The following FAM111A variants were observed in gnomAD, a reference collection of about 807,000 sequenced individuals.
FAM111A encodes the protein FAM111 trypsin like peptidase A, also known as serine protease FAM111A.
FAM111A carries 8 observed loss-of-function variants against 3.3 expected under a neutral mutation model. That is an observed-to-expected ratio of 2.39 (90% CI 1.40 to 4.32). The LOEUF is 4.32. Ranked by LOEUF, FAM111A falls within the 30% of genes most tolerant of loss-of-function variation. The pLI is 0.00. For synonymous variants in FAM111A, 227 were observed against 243.1 expected (o/e 0.93, Z 0.62); for missense variants, 683 against 727.6 (o/e 0.94, Z 0.71).
chr11:59,153,884 T>G lies in FAM111A; in HGVS notation c.*380T>G, dbSNP rs1358679259. 1 of 151,922 alleles carries G rather than the reference T, an allele frequency of 6.6e-6. No individual in the cohort carries two copies. Among genetic ancestry groups the G allele is most frequent in the Non-Finnish European group, 1.4e-5 (1 of 69,550 alleles). The allele number at this position is 151,922 out of a possible 1,614,324, so 9.4% of individuals were successfully genotyped here. On this transcript the variant is annotated 3_prime_UTR_variant, in exon 6 of 6. Transcript: ENST00000675163. ...ACCCAGCTAAATTTTTTTTTTTTTTTTTGTATTTTTAGTAGAGACAGGGTT... is the reference window on the plus strand; with the variant it reads ...ACCCAGCTAAATTTTTTTTTTTTTTGTTGTATTTTTAGTAGAGACAGGGTT...
At position 59,152,476 on chromosome 11, in the gene FAM111A, A is replaced by G. The variant is rs1590956415; in HGVS notation, c.808A>G (p.Lys270Glu). Residue 270 changes from lysine (K) to glutamate (E), a missense_variant, in exon 6 of 6, where the codon AAA becomes GAA. Lys to Glu is a moderately conservative substitution (Grantham distance 56). Around this residue, in one of 3 missense-constraint regions of FAM111A, gnomAD observed 557 missense variants for 600.2 expected, o/e 0.93. Coordinates refer to ENST00000675163, the MANE Select transcript of FAM111A (RefSeq NM_001312909.2). The part of the protein sequence containing the change: ...EGRYFQVEVE[K>E]RMVPSAAASQ... Reference sequence around the variant, plus strand: ...CAGATACTTTCAGGTTGAGGTTGAGAAAAGAATGGTCCCCAGTGCAGCAGC... The same window carrying G: ...CAGATACTTTCAGGTTGAGGTTGAGGAAAGAATGGTCCCCAGTGCAGCAGC... The G allele has an allele frequency of 1.2e-6, 2 of 1,613,992 alleles. No homozygotes were observed. The highest frequency in any genetic ancestry group is 1.7e-6 in the Non-Finnish European group (2 of 1,179,904).
At chr11:59,144,045 CA>C (rs1245195594) in intron 3 of FAM111A, 1 of 152,204 alleles carries the variant, frequency 6.6e-6, no homozygotes, top group Non-Finnish European at 1.5e-5. Context: ...AATGGGACTT[CA>C]AAATCTCAAT....
In FAM111A at chr11:59,152,992, G is replaced by A. The variant is rs1184521788; in HGVS notation, c.1324G>A (p.Val442Ile). The A allele has an allele frequency of 2.5e-6, 4 of 1,614,106 alleles. No homozygotes were observed. In the African/African-American group the frequency reaches 4.0e-5, roughly 16 times the overall value. ...ACATAATGAAGAGCTTGACTATGCT[G>A]TCCTGAAACTGAAGGAAAATGGACA... Reference protein sequence around the residue: ...EIHNEELDYAVLKLKENGQQV... With the variant: ...EIHNEELDYAILKLKENGQQV... Residue 442 changes from valine to isoleucine, a missense_variant, in exon 6 of 6, where the codon GTC (valine) becomes ATC (isoleucine). Transcript: ENST00000675163.
Position 59,153,519 on chromosome 11 carries a change from G to A in FAM111A, c.*15G>A. 1 of 1,566,188 alleles carries A rather than the reference G, an allele frequency of 6.4e-7. No individual in the cohort carries two copies. The highest frequency in any genetic ancestry group is 1.4e-5 in the African/African-American group (1 of 73,394). On this transcript the variant is annotated 3_prime_UTR_variant, in exon 6 of 6. Transcript: ENST00000675163. ...AGGACTTGTGAGAATTCAGTCTACT[G>A]GATTTAAGGGAATGGCTTATGGAGT...
At position 59,148,902 on chromosome 11, in the gene FAM111A, G is replaced by A. The variant is rs777189581; in HGVS notation, c.30G>A (p.Lys10=). The change falls in exon 5 of 6, where the codon AAG becomes AAA. Residue 10 remains lysine, a synonymous_variant. Transcript: ENST00000675163. ...GCTGTAAGAAGCAGAGGTCACGGAA[G>A]CACTCAGTCAATGAAAAATGTAATA... The part of the protein sequence containing the change: MSCKKQRSR[K]HSVNEKCNMK... The A allele has an allele frequency of 1.9e-6, 3 of 1,613,840 alleles. No homozygotes were observed. Among genetic ancestry groups the A allele is most frequent in the Non-Finnish European group, 2.5e-6 (3 of 1,179,766 alleles).
In FAM111A at chr11:59,152,385, T is replaced by G. The variant is rs763385433; in HGVS notation, c.717T>G (p.Asp239Glu). 2 of 1,614,166 alleles carry G rather than the reference T, an allele frequency of 1.2e-6. No homozygotes were observed. Among genetic ancestry groups the G allele is most frequent in the Non-Finnish European group, 1.7e-6 (2 of 1,180,022 alleles). Residue 239 changes from aspartate (D) to glutamate (E), a missense_variant, in exon 6 of 6, where the codon GAT becomes GAG. Asp to Glu is a conservative substitution (Grantham distance 45). This residue lies in a region of FAM111A where 557 missense variants were observed against 600.2 expected (regional missense o/e 0.93). Transcript: ENST00000675163. The part of the protein sequence containing the change: ...GRFLSFLEND[D>E]WKLIENNDTI... ...TTCTTTCCTTTCTGGAGAATGATGA[T>G]TGGAAACTCATTGAAAACAATGACA...
In FAM111A at chr11:59,152,565, G is replaced by C; in HGVS notation, c.897G>C (p.Gln299His). The C allele has an allele frequency of 3.7e-6, 6 of 1,614,042 alleles. No homozygotes were observed. The highest frequency in any genetic ancestry group is 5.1e-6 in the Non-Finnish European group (6 of 1,180,016). ...TCVLREQIVA[Q>H]YPSLKRESEK... is the part of the protein sequence containing the mutation. ...TGTTGAGAGAACAAATCGTGGCTCA[G>C]TACCCCAGTTTGAAAAGAGAAAGTG... The change falls in exon 6 of 6, where the codon CAG (glutamine) becomes CAC (histidine). Residue 299 changes from glutamine to histidine, a missense_variant. Around this residue, in one of 3 missense-constraint regions of FAM111A, gnomAD observed 557 missense variants for 600.2 expected, o/e 0.93. Transcript: ENST00000675163.
rs1014845388 is a variant in FAM111A, at chr11:59,153,741, G to A, written c.*237G>A. 8.8e-6 allele frequency: 3 copies of A among 339,012 alleles called. No homozygotes were observed. Among genetic ancestry groups the A allele is most frequent in the Non-Finnish European group, 1.1e-5 (2 of 189,260 alleles). The allele number at this position is 339,012 out of a possible 1,614,324, so 21.0% of individuals were successfully genotyped here. A position where few individuals can be genotyped will look rare whatever the true frequency, so the allele number is the denominator to read the frequency against. ...TTTTGAGACTGAGTCTCACTCTGTC[G>A]CCTGGGCTGGAGTACAGTGGTGCGA... On this transcript the variant is annotated 3_prime_UTR_variant, in exon 6 of 6. Coordinates refer to ENST00000675163, the MANE Select transcript of FAM111A (RefSeq NM_001312909.2).
At chr11:59,143,033 G>T (rs1860355075) in intron 1 of FAM111A, 50 bp from the exon 2 acceptor site, 1 of 151,804 alleles carries the variant, frequency 6.6e-6, no homozygotes, top group Non-Finnish European at 1.5e-5. Flanking sequence ...TAGGGTAGGC[G>T]CGCCCCCTCG....
chr11:59,151,820 CCA>C lies in FAM111A; in HGVS notation c.155_156del (p.Thr52AsnfsTer2). ...ATGGAGTCTAGAGGAGACCCAAGAGCCACAACTAATACCCAGGCTCAAAGATT... is the reference window on the plus strand; with the variant it reads ...ATGGAGTCTAGAGGAGACCCAAGAGCCAACTAATACCCAGGCTCAAAGATT... On this transcript the variant is annotated frameshift_variant, in exon 6 of 6. Transcript: ENST00000675163. LOFTEE classifies it low-confidence loss of function (END_TRUNC). 1 of 1,614,014 alleles carries C rather than the reference CCA, an allele frequency of 6.2e-7. No individual in the cohort carries two copies. The highest frequency in any genetic ancestry group is 8.5e-7 in the Non-Finnish European group (1 of 1,179,938).
intron 5 of FAM111A, 152 bp downstream of exon 5, chr11:59,149,105 C>T (rs184058547): frequency 4.9e-6 from 3 of 610,344 alleles, no homozygotes; most frequent in African/African-American, 3.7e-5. Context: ...ATCATATCCT[C>T]CTGTATACTT....
At position 59,151,962 on chromosome 11, in the gene FAM111A, T is replaced by C; in HGVS notation, c.294T>C (p.His98=). ...RNQDMKLKLT[H]SENSSLYMAL... ...AAGATATGAAACTTAAGCTCACACA[T>C]AGTGAGAATAGTAGCTTATATATGG... Residue 98 remains histidine, a synonymous_variant, in exon 6 of 6, where the codon CAT becomes CAC. Coordinates refer to ENST00000675163, the MANE Select transcript of FAM111A (RefSeq NM_001312909.2). 6.2e-7 allele frequency: 1 copy of C among 1,613,926 alleles called. No individual in the cohort carries two copies. The highest frequency in any genetic ancestry group is 8.5e-7 in the Non-Finnish European group (1 of 1,179,964).
intron 5 of FAM111A, among the ~76,000 whole-genome samples, chr11:59,149,383 A>C (rs1365256315): frequency 4.6e-5 from 7 of 152,196 alleles, no homozygotes; most frequent in Non-Finnish European, 8.8e-5. Flanking sequence ...CTTGCCAAGA[A>C]ATTACCTTGA....
At chr11:59,149,140 T>G in intron 5 of FAM111A, 187 bp downstream of exon 5, 1 of 574,016 alleles carries the variant, frequency 1.7e-6, no homozygotes, top group Non-Finnish European at 3.1e-6. Context: ...ATTATTTGTA[T>G]TACCTAATAC....
rs970387792 is a variant in FAM111A at position 59,148,859 on chromosome 11, A to G, written c.-14A>G. On this transcript the variant is annotated 5_prime_UTR_variant, in exon 5 of 6. Transcript: ENST00000675163. ...AGTGTTTCAGCTGAACCATCCGTTC[A>G]TCTTCAAGCCATCATGAGCTGTAAG... is the stretch of plus-strand genomic sequence containing the variant. 1 of 1,601,960 alleles carries G rather than the reference A, an allele frequency of 6.2e-7. No homozygotes were observed. The highest frequency in any genetic ancestry group is 1.1e-5 in the South Asian group (1 of 90,758).
chr11:59,147,464 ATTATAT>A (rs1172473116), intron 4 of FAM111A, among the ~76,000 whole-genome samples: 9 of 152,142 alleles, frequency 5.9e-5, no homozygotes, highest in African/African-American at 1.7e-4. Flanking sequence ...TTATCTAAAG[ATTATAT>A]TTATATTTGT....
At chr11:59,146,662 C>T (rs1860948418) in intron 4 of FAM111A, among the ~76,000 whole-genome samples, 1 of 152,168 alleles carries the variant, frequency 6.6e-6, no homozygotes, top group Non-Finnish European at 1.5e-5. Context: ...ACTAGAAAGC[C>T]AGGACTCTTG....
chr11:59,149,662 A>G (rs1165843157), intron 5 of FAM111A, among the ~76,000 whole-genome samples: 1 of 152,252 alleles, frequency 6.6e-6, no homozygotes, highest in Non-Finnish European at 1.5e-5. Context: ...AATTGTAATT[A>G]TAACCTACAT....
At position 59,153,127 on chromosome 11, in the gene FAM111A, G is replaced by A. The variant is rs565765996; in HGVS notation, c.1459G>A (p.Val487Met). ...GEKKQIDACA[V>M]IPQGQRAKKC... is the part of the protein sequence containing the mutation. Reference sequence around the variant, plus strand: ...AAAAAAGCAGATTGATGCTTGTGCTGTGATCCCTCAGGGTCAGCGAGCAAA... The same window carrying A: ...AAAAAAGCAGATTGATGCTTGTGCTATGATCCCTCAGGGTCAGCGAGCAAA... Residue 487 changes from valine to methionine, a missense_variant, in exon 6 of 6, where the codon GTG becomes ATG. This residue lies in a region of FAM111A where 557 missense variants were observed against 600.2 expected (regional missense o/e 0.93). Transcript: ENST00000675163. 4.3e-6 allele frequency: 7 copies of A among 1,614,082 alleles called. No individual in the cohort carries two copies. Among genetic ancestry groups the A allele is most frequent in the Non-Finnish European group, 5.9e-6 (7 of 1,180,040 alleles).
Sources: allele counts gnomAD v4.1 joint callset (sites outside exome capture counted in the v4.1 genomes callset), GRCh38; gene constraint gnomAD v4.1.1; regional missense constraint gnomAD v4.1.1; transcripts MANE v1.5; gene names NCBI Gene and HGNC (gene_info 2026-07-23, HGNC 2026-07-21).